The following SERPINB6 variants were observed in gnomAD, a reference collection of about 807,000 sequenced individuals.
The protein encoded by SERPINB6 is serpin B6.
A neutral mutation model predicts 26.1 loss-of-function variants in SERPINB6; 16 were observed. The observed-to-expected ratio is 0.61, with a 90% CI of 0.42 to 0.93. The LOEUF (loss-of-function observed/expected upper bound fraction) is 0.93, where lower values mean the gene tolerates loss of function less well. Ranked by LOEUF, SERPINB6 falls within the 40% of genes least tolerant of loss-of-function variation. SERPINB6 has a pLI of 0.00. For synonymous variants in SERPINB6, 174 were observed against 176.6 expected (o/e 0.99, Z 0.11); for missense variants, 420 against 478.0 (o/e 0.88, Z 1.13).
intron 1 of SERPINB6, chr6:2,969,118 A>G (rs1771897686): frequency 2.8e-5 from 29 of 1,034,710 alleles, no homozygotes; most frequent in Non-Finnish European, 3.4e-5. Flanking sequence ...AGGAAAGAAA[A>G]AATAAATCCA....
At chr6:2,953,749 C>T (rs1017418925) in intron 4 of SERPINB6, among the ~76,000 whole-genome samples, 16 of 152,136 alleles carry the variant, frequency 1.1e-4, no homozygotes, top group African/African-American at 3.6e-4. Flanking sequence ...GCAGGAGGAC[C>T]GCTTGAGCAC....
chr6:2,968,724 G>A, intron 1 of SERPINB6: 3 of 1,231,458 alleles, frequency 2.4e-6, no homozygotes, highest in Non-Finnish European at 3.0e-6. Flanking sequence ...ACAACCCTTG[G>A]ATGTCAGTAC....
chr6:2,950,949 C>T lies in SERPINB6; in HGVS notation c.574-1880G>A, dbSNP rs190950590. ...TTGGCTAGAGCAGTCTCCTGGGCCTCGGCTGCCCCACTCATTTCCTTGGCC... is the reference window on the plus strand; with the variant it reads ...TTGGCTAGAGCAGTCTCCTGGGCCTTGGCTGCCCCACTCATTTCCTTGGCC... On this transcript the variant is annotated intron_variant, in intron 5 of 6. Coordinates refer to ENST00000380539, the MANE Select transcript of SERPINB6 (RefSeq NM_004568.6). Among the ~76,000 whole-genome samples the T allele has an allele frequency of 4.5e-4, 69 of 152,368 alleles. No homozygotes were observed. The Middle Eastern group carries it at 0.01, about 23-fold the overall frequency.
intron 5 of SERPINB6, among the ~76,000 whole-genome samples, chr6:2,951,153 G>A (rs945532392): frequency 2.6e-5 from 4 of 152,074 alleles, no homozygotes; most frequent in African/African-American, 4.8e-5. Context: ...TGGGAGGCCC[G>A]GGCAGGTGGA....
chr6:2,962,312 G>C, intron 1 of SERPINB6: 1 of 721,982 alleles, frequency 1.4e-6, no homozygotes, highest in Non-Finnish European at 1.7e-6. Flanking sequence ...CAGGATATTC[G>C]GAGGAGAAGT....
rs530396179 is a variant in SERPINB6, at chr6:2,969,850, T to C, written c.-11+1683A>G. On this transcript the variant is annotated intron_variant, in intron 1 of 6. Transcript: ENST00000380539. ...CATATAAATGGGAGTTAAACATTAT[T>C]TTCAGGCTAGGCGCAGTGGCTCACA... 2.9e-4 allele frequency: 285 copies of C among 971,082 alleles called. No individual in the cohort carries two copies. In the African/African-American group the frequency reaches 4.3e-3, roughly 14 times the overall value. The allele number at this position is 971,082 out of a possible 1,614,324, so 60.2% of individuals were successfully genotyped here.
Position 2,948,933 on chromosome 6 carries a change from T to C in SERPINB6, c.710A>G (p.Glu237Gly). 6.2e-7 allele frequency: 1 copy of C among 1,614,240 alleles called. No homozygotes were observed. Among genetic ancestry groups the C allele is most frequent in the Non-Finnish European group, 8.5e-7 (1 of 1,180,040 alleles). Residue 237 changes from glutamate to glycine, a missense_variant, in exon 6 of 7, where the codon GAG becomes GGG. Physicochemically the swap from Glu to Gly is moderately conservative, Grantham distance 98. Transcript: ENST00000380539. The surrounding 1 kb of genome is among the most constrained non-coding windows in gnomAD (Gnocchi z 5.0). ...ELNMIIMLPD[E>G]TTDLRTVEKE... is the part of the protein sequence containing the mutation. ...TGTTACCGTTCTCAAGTCAGTGGTCTCGTCCGGAAGCATGATGATCATATT... is the reference window on the plus strand; with the variant it reads ...TGTTACCGTTCTCAAGTCAGTGGTCCCGTCCGGAAGCATGATGATCATATT...
intron 1 of SERPINB6, chr6:2,968,309 G>A (rs1771820000): frequency 5.6e-6 from 1 of 177,844 alleles, no homozygotes; most frequent in Non-Finnish European, 1.1e-5. Context: ...AGGGTGGAGG[G>A]TGAAGGGTGG....
At position 2,953,152 on chromosome 6, in the gene SERPINB6, C is replaced by T. The variant is rs765777438; in HGVS notation, c.465G>A (p.Val155=). ...KIAELLSPGS[V]DPLTRLVLVN... ...CCAGAACCAGCCTTGTCAATGGATC[C>T]ACTGAGCCCGGAGAGAGCAACTCCG... Residue 155 remains valine, a synonymous_variant, in exon 5 of 7, where the codon GTG becomes GTA. Coordinates refer to ENST00000380539, the MANE Select transcript of SERPINB6 (RefSeq NM_004568.6). The T allele has an allele frequency of 1.5e-5, 25 of 1,614,088 alleles. No homozygotes were observed. The highest frequency in any genetic ancestry group is 2.0e-5 in the Non-Finnish European group (24 of 1,180,044).
At position 2,959,353 on chromosome 6, in the gene SERPINB6, A is replaced by G; in HGVS notation, c.-10-11T>C. The G allele has an allele frequency of 6.2e-7, 1 of 1,613,224 alleles. No homozygotes were observed. Among genetic ancestry groups the G allele is most frequent in the South Asian group, 1.1e-5 (1 of 91,082 alleles). On this transcript the variant is annotated splice_polypyrimidine_tract_variant and intron_variant, in intron 1 of 6. Coordinates refer to ENST00000380539, the MANE Select transcript of SERPINB6 (RefSeq NM_004568.6). ...TCCATGATGGCAGACCTGGAACAAG[A>G]TTTAAAATCAGTATCACTTAAGCAC...
rs146653203 is a variant in SERPINB6 at position 2,949,977 on chromosome 6, G to A, written c.574-908C>T. 1.2e-4 allele frequency among the ~76,000 whole-genome samples: 18 copies of A among 152,154 alleles called. No homozygotes were observed. In the East Asian group the frequency reaches 1.4e-3, roughly 11 times the overall value. The stretch of plus-strand genomic sequence containing the variant: ...GGAGAGTGAACTTCTGCCTCTTTAC[G>A]GTCTTTGTTCAAAAACCACCTTGGC... On this transcript the variant is annotated intron_variant, in intron 5 of 6. Coordinates refer to ENST00000380539, the MANE Select transcript of SERPINB6 (RefSeq NM_004568.6).
At chr6:2,949,197 C>T (rs1769490292) in intron 5 of SERPINB6, 128 bp from the exon 6 acceptor site, 2 of 1,020,654 alleles carry the variant, frequency 2.0e-6, no homozygotes, top group African/African-American at 1.6e-5. Context: ...TCCAGAACAC[C>T]CGGCAGCGCC....
In SERPINB6 at chr6:2,948,170, T is replaced by G. The variant is rs1328437958; in HGVS notation, c.*128A>C. 4.9e-6 allele frequency: 5 copies of G among 1,016,780 alleles called. No homozygotes were observed. The highest frequency in any genetic ancestry group is 7.7e-6 in the Non-Finnish European group (5 of 649,004). 63.0% of individuals were successfully genotyped at this position (1,016,780 alleles called of 1,614,324 possible). A position where few individuals can be genotyped will look rare whatever the true frequency, so the allele number is the denominator to read the frequency against. ...ACAAACACACGGAGTGAATGCGGCA[T>G]CCCACAAATGGGCCCTTTATTTCTG... On this transcript the variant is annotated 3_prime_UTR_variant, in exon 7 of 7. Transcript: ENST00000380539. The surrounding 1 kb of genome is among the most constrained non-coding windows in gnomAD (Gnocchi z 5.0).
chr6:2,965,448 C>T (rs1162756399), intron 1 of SERPINB6, among the ~76,000 whole-genome samples: 1 of 152,164 alleles, frequency 6.6e-6, no homozygotes, highest in African/African-American at 2.4e-5. Flanking sequence ...AAACACAGCA[C>T]ATTGCTTACA....
intron 5 of SERPINB6, among the ~76,000 whole-genome samples, chr6:2,952,541 A>T (rs559604307): frequency 6.6e-6 from 1 of 152,360 alleles, no homozygotes; most frequent in Admixed American, 6.5e-5. Context: ...ATCTGTACTT[A>T]TCCTTACTAT....
At chr6:2,950,174 C>T (rs932058100) in intron 5 of SERPINB6, among the ~76,000 whole-genome samples, 1 of 152,092 alleles carries the variant, frequency 6.6e-6, no homozygotes, top group Non-Finnish European at 1.5e-5. Flanking sequence ...TTCACCAGGG[C>T]AAGCATGCTT....
chr6:2,959,443 G>T, intron 1 of SERPINB6, 101 bp from the exon 2 acceptor site: 1 of 1,176,572 alleles, frequency 8.5e-7, no homozygotes, highest in Non-Finnish European at 1.3e-6. Flanking sequence ...TGGTTCAGTG[G>T]GCAAGCAGAA....
intron 1 of SERPINB6, chr6:2,962,036 A>G (rs567003052): frequency 2.0e-6 from 2 of 985,390 alleles, no homozygotes; most frequent in Admixed American, 6.1e-5. Flanking sequence ...AGGACTTTTA[A>G]TTCAAATGGA....
intron 1 of SERPINB6, chr6:2,966,482 C>T (rs1241472469): frequency 2.3e-6 from 2 of 854,112 alleles, no homozygotes; most frequent in East Asian, 1.2e-4. Flanking sequence ...AGCAGGTGAG[C>T]GAACATCACC....
Sources: gnomAD v4.1 joint callset for allele counts (sites outside exome capture counted in the v4.1 genomes callset) on GRCh38, gnomAD v4.1.1 for gene constraint, Gnocchi (gnomAD v3.1) non-coding constraint, MANE v1.5 for transcripts, NCBI Gene and HGNC (gene_info 2026-07-23, HGNC 2026-07-21) for gene names.